The following FAM149B1 variants were observed in gnomAD, a reference collection of about 807,000 sequenced individuals.
FAM149B1 encodes the protein family with sequence similarity 149 member B1.
Under a neutral mutation model 75.3 loss-of-function variants are expected in FAM149B1, and 56 were observed. That is an observed-to-expected ratio of 0.74 (90% confidence interval 0.60 to 0.93). The LOEUF (loss-of-function observed/expected upper bound fraction) is 0.93, where lower values mean the gene tolerates loss of function less well. Ranked by LOEUF, FAM149B1 falls within the 40% of genes least tolerant of loss-of-function variation. FAM149B1 has a pLI of 0.00. For synonymous variants in FAM149B1, 259 were observed against 256.1 expected, an observed-to-expected ratio of 1.01 and a Z score of -0.11; for missense variants, 639 against 708.4, an observed-to-expected ratio of 0.90 and a Z score of 1.11.
intron 1 of FAM149B1, among the ~76,000 whole-genome samples, chr10:73,170,697 C>T (rs917954038): frequency 1.3e-5 from 2 of 152,008 alleles, no homozygotes; most frequent in African/African-American, 4.8e-5. Context: ...AATAAGATAT[C>T]TACATGGTAG....
chr10:73,238,313 C>T (rs575550191), intron 12 of FAM149B1, among the ~76,000 whole-genome samples: 46 of 152,224 alleles, frequency 3.0e-4, no homozygotes, highest in Non-Finnish European at 6.2e-4. Flanking sequence ...TGCCATTGCA[C>T]TCCAACCTGG....
At chr10:73,181,355 A>C in intron 3 of FAM149B1, among the ~76,000 whole-genome samples, 1 of 151,988 alleles carries the variant, frequency 6.6e-6, no homozygotes, top group South Asian at 2.1e-4. Context: ...GTTCATGTGA[A>C]GTTTTTTCTC....
At chr10:73,221,543 A>AT (rs202073321) in intron 7 of FAM149B1, among the ~76,000 whole-genome samples, 8 of 151,004 alleles carry the variant, frequency 5.3e-5, no homozygotes, top group Admixed American at 2.6e-4. Context: ...TGGTGCATGT[A>AT]TTTTTTTTTC....
chr10:73,173,559 A>G (rs552029963), intron 1 of FAM149B1, among the ~76,000 whole-genome samples: 54 of 152,286 alleles, frequency 3.5e-4, no homozygotes, highest in African/African-American at 1.3e-3. Context: ...CCAATGTACC[A>G]TTATATAAAT....
rs2042581220 is a variant in FAM149B1, at chr10:73,188,249, AAAT to A, written c.283-4306_283-4304del. On this transcript the variant is annotated intron_variant, in intron 3 of 13. Transcript: ENST00000242505. ...AGAAAAAGGATTTTTTTTCCTTAAC[AAAT>A]GTTGCTGGGACAATTGGATATCCAT... Among the ~76,000 whole-genome samples, 7 of 152,220 alleles carry A rather than the reference AAAT, an allele frequency of 4.6e-5. No individual in the cohort carries two copies. The South Asian group carries it at 1.2e-3, about 27-fold the overall frequency.
intron 2 of FAM149B1, among the ~76,000 whole-genome samples, chr10:73,177,210 T>C (rs1446885115): frequency 1.3e-5 from 2 of 150,564 alleles, no homozygotes; most frequent in Non-Finnish European, 3.0e-5. Context: ...TCTCAAAAAA[T>C]AAAAAATAAA....
At chr10:73,181,289 G>A (rs547136863) in intron 3 of FAM149B1, among the ~76,000 whole-genome samples, 9 of 152,110 alleles carry the variant, frequency 5.9e-5, no homozygotes, top group Non-Finnish European at 1.0e-4. Flanking sequence ...GATTATAGGC[G>A]TGAGCCACCA....
intron 5 of FAM149B1, among the ~76,000 whole-genome samples, chr10:73,196,035 G>A (rs2042796212): frequency 6.6e-6 from 1 of 151,978 alleles, no homozygotes; most frequent in Non-Finnish European, 1.5e-5. Flanking sequence ...TATTTACTTA[G>A]CAATAATTAG....
chr10:73,173,647 A>G (rs1308246691), intron 1 of FAM149B1, among the ~76,000 whole-genome samples: 2 of 152,236 alleles, frequency 1.3e-5, no homozygotes, highest in Non-Finnish European at 2.9e-5. Flanking sequence ...TTGACTCCCC[A>G]GAACTTAACC....
chr10:73,209,449 AAAAAC>A (rs1232617014), intron 6 of FAM149B1, among the ~76,000 whole-genome samples: 2 of 152,200 alleles, frequency 1.3e-5, no homozygotes, highest in African/African-American at 2.4e-5. Flanking sequence ...CTCCATCTCC[AAAAAC>A]AAAACAAAAC....
intron 7 of FAM149B1, among the ~76,000 whole-genome samples, chr10:73,212,833 TTCTC>T (rs931995366): frequency 4.6e-5 from 7 of 151,386 alleles, no homozygotes; most frequent in Non-Finnish European, 1.0e-4. Context: ...CATGTCCTGT[TTCTC>T]TCTCTCACTC....
At chr10:73,215,004 G>T (rs553960050) in intron 7 of FAM149B1, among the ~76,000 whole-genome samples, 1 of 151,824 alleles carries the variant, frequency 6.6e-6, no homozygotes, top group East Asian at 1.9e-4. Context: ...TGTTGTTGTT[G>T]TTTGTTTTTC....
In FAM149B1 at chr10:73,243,555, T is replaced by C. The variant is rs2043976759; in HGVS notation, c.*2536T>C. 5 of 1,613,352 alleles carry C rather than the reference T, an allele frequency of 3.1e-6. No individual in the cohort carries two copies. In the East Asian group the frequency reaches 1.1e-4, roughly 36 times the overall value. On this transcript the variant is annotated 3_prime_UTR_variant, in exon 14 of 14. Transcript: ENST00000242505. Reference sequence around the variant, plus strand: ...AGTTAAAACACAAGCTTTCACAACATTATCCATAGACAGAAAGTACCTAGT... The same window carrying C: ...AGTTAAAACACAAGCTTTCACAACACTATCCATAGACAGAAAGTACCTAGT...
chr10:73,205,109 G>A (rs1434384723), intron 5 of FAM149B1, among the ~76,000 whole-genome samples: 1 of 150,722 alleles, frequency 6.6e-6, no homozygotes, highest in Non-Finnish European at 1.5e-5. Context: ...CACCCGCCTG[G>A]CCAATTATTC....
At chr10:73,231,683 T>C (rs2043702600) in intron 9 of FAM149B1, among the ~76,000 whole-genome samples, 2 of 152,068 alleles carry the variant, frequency 1.3e-5, no homozygotes, top group African/African-American at 4.8e-5. Context: ...GAATCAAAGT[T>C]ATCTCGATTT....
At chr10:73,237,443 G>A (rs2043845978) in intron 12 of FAM149B1, among the ~76,000 whole-genome samples, 1 of 151,558 alleles carries the variant, frequency 6.6e-6, no homozygotes, top group South Asian at 2.1e-4. Context: ...TTGAGACGGA[G>A]TCTTACTCTG....
intron 5 of FAM149B1, among the ~76,000 whole-genome samples, chr10:73,207,782 C>T (rs971425578): frequency 6.6e-6 from 1 of 152,084 alleles, no homozygotes; most frequent in Non-Finnish European, 1.5e-5. Flanking sequence ...ATCTGTAGCC[C>T]CTCTCTTTTG....
At chr10:73,217,976 GTGGA>G (rs969263582) in intron 7 of FAM149B1, among the ~76,000 whole-genome samples, 1 of 152,176 alleles carries the variant, frequency 6.6e-6, no homozygotes, top group African/African-American at 2.4e-5. Flanking sequence ...AGGTCCTGGT[GTGGA>G]TGATGTTCCT....
rs76562875 is a variant in FAM149B1 at position 73,173,540 on chromosome 10, T to C, written c.48-1147T>C. On this transcript the variant is annotated intron_variant, in intron 1 of 13. Transcript: ENST00000242505. ...ACCATTAATCTGTTCTCTACCACTA[T>C]AGTTTTGTCCAATGTACCATTATAT... Among the ~76,000 whole-genome samples the C allele has an allele frequency of 7.8e-3, 1,193 of 152,334 alleles. 13 individuals carry two copies. Among genetic ancestry groups the C allele is most frequent in the African/African-American group, 0.026 (1,064 of 41,560 alleles).
Sources: gnomAD v4.1 joint callset for allele counts (sites outside exome capture counted in the v4.1 genomes callset) on GRCh38, gnomAD v4.1.1 for gene constraint, MANE v1.5 for transcripts, NCBI Gene and HGNC (gene_info 2026-07-23, HGNC 2026-07-21) for gene names.